Variants in PCDH15 observed in about 807,000 individuals in gnomAD.
The protein encoded by PCDH15 is protocadherin-15.
In PCDH15, 129 loss-of-function variants were observed where a neutral mutation model predicts 178.5. That is an observed-to-expected ratio of 0.72 (90% CI 0.63 to 0.84). The LOEUF is 0.84. PCDH15 is among the 40% of genes least tolerant of loss of function. The probability of loss-of-function intolerance (pLI) is 0.00; values close to 1 mark genes in which losing one functional copy is unlikely to be tolerated. For synonymous variants in PCDH15, 800 were observed against 732.0 expected, an observed-to-expected ratio of 1.09 and a Z score of -1.50; for missense variants, 2,230 against 2,099.9, an observed-to-expected ratio of 1.06 and a Z score of -1.21.
At chr10:55,103,184 G>T (rs1396791988) in intron 2 of PCDH15, among the ~76,000 whole-genome samples, 2 of 139,550 alleles carry the variant, frequency 1.4e-5, no homozygotes, top group African/African-American at 2.7e-5. Flanking sequence ...TCTACCATTT[G>T]TTTCAGCGCC....
At chr10:55,082,310 A>G (rs1169201503) in intron 2 of PCDH15, among the ~76,000 whole-genome samples, 3 of 152,106 alleles carry the variant, frequency 2.0e-5, no homozygotes. Context: ...TTATGTTCCC[A>G]AAGGATCAGT....
chr10:55,319,050 A>AACAC lies in PCDH15; in HGVS notation c.-156+545_-156+548dup, dbSNP rs67901034. 5.3e-4 allele frequency among the ~76,000 whole-genome samples: 80 copies of AACAC among 150,188 alleles called. 1 individual carries two copies. Among genetic ancestry groups the AACAC allele is most frequent in the African/African-American group, 1.7e-3 (69 of 40,864 alleles). On this transcript the variant is annotated intron_variant, in intron 1 of 5. Transcript: ENST00000458638. ...CTTGCAAAAACAAGAAAACAAACAA[A>AACAC]ACACACACACACACACACACACAAA...
At chr10:54,595,143 A>G (rs1461085757) in intron 2 of PCDH15, among the ~76,000 whole-genome samples, 1 of 152,178 alleles carries the variant, frequency 6.6e-6, no homozygotes, top group Non-Finnish European at 1.5e-5. Context: ...TGGTACATGC[A>G]AATGTGGACA....
intron 6 of PCDH15, among the ~76,000 whole-genome samples, chr10:54,342,845 A>G (rs1942508256): frequency 6.6e-6 from 1 of 152,152 alleles, no homozygotes; most frequent in Admixed American, 6.5e-5. Flanking sequence ...AAGCTTTAAG[A>G]TTTAATAACT....
chr10:54,576,892 A>T (rs949949134), intron 2 of PCDH15, among the ~76,000 whole-genome samples: 4 of 152,190 alleles, frequency 2.6e-5, no homozygotes, highest in Admixed American at 6.6e-5. Flanking sequence ...TGTGAAAAAA[A>T]TACATTGGTA....
chr10:55,386,318 T>C (rs1837658192), intron 2 of PCDH15, among the ~76,000 whole-genome samples: 1 of 151,998 alleles, frequency 6.6e-6, no homozygotes, highest in South Asian at 2.1e-4. Flanking sequence ...TTTAAAAAAC[T>C]GAAAACTTTC....
chr10:54,959,389 A>G (rs1015929709), intron 2 of PCDH15, among the ~76,000 whole-genome samples: 12 of 152,102 alleles, frequency 7.9e-5, no homozygotes, highest in Middle Eastern at 3.4e-3. Context: ...AAAAACCACC[A>G]TTTTGCAAAC....
chr10:55,369,118 C>G (rs1845435650), intron 2 of PCDH15, among the ~76,000 whole-genome samples: 1 of 149,852 alleles, frequency 6.7e-6, no homozygotes, highest in Non-Finnish European at 1.5e-5. Context: ...AGTTTCTATT[C>G]ATATTTCTCA....
chr10:55,107,916 T>G, intron 2 of PCDH15, among the ~76,000 whole-genome samples: 1 of 152,172 alleles, frequency 6.6e-6, no homozygotes, highest in Non-Finnish European at 1.5e-5. Flanking sequence ...TATACTTCCC[T>G]GCCAGATTCA....
intron 2 of PCDH15, among the ~76,000 whole-genome samples, chr10:55,368,910 T>A (rs574625357): frequency 6.6e-6 from 1 of 151,698 alleles, no homozygotes; most frequent in African/African-American, 2.4e-5. Flanking sequence ...AAGCAGACAA[T>A]TTTTTTATTC....
intron 1 of PCDH15, among the ~76,000 whole-genome samples, chr10:55,177,201 G>A (rs1037455321): frequency 6.6e-6 from 1 of 152,110 alleles, no homozygotes; most frequent in Non-Finnish European, 1.5e-5. Context: ...GCAACTGAGG[G>A]GATTCATGGG....
chr10:54,148,312 A>C (rs758163900), intron 14 of PCDH15, among the ~76,000 whole-genome samples: 9 of 152,072 alleles, frequency 5.9e-5, no homozygotes, highest in Admixed American at 2.6e-4. Context: ...TCCAGAGCCC[A>C]TAAGGATACT....
At chr10:54,202,198 C>A (rs1291997871) in intron 10 of PCDH15, among the ~76,000 whole-genome samples, 1 of 152,084 alleles carries the variant, frequency 6.6e-6, no homozygotes, top group Non-Finnish European at 1.5e-5. Context: ...CTCTTCCAGT[C>A]CACTCAACAC....
At chr10:54,221,065 C>T (rs780996413) in intron 9 of PCDH15, among the ~76,000 whole-genome samples, 3 of 152,018 alleles carry the variant, frequency 2.0e-5, no homozygotes, top group Non-Finnish European at 2.9e-5. Flanking sequence ...AGGTTGTGGG[C>T]ACCTGTAGTC....
chr10:55,347,536 A>G (rs1844796287), intron 2 of PCDH15, among the ~76,000 whole-genome samples: 1 of 152,150 alleles, frequency 6.6e-6, no homozygotes, highest in Non-Finnish European at 1.5e-5. Context: ...TTTTAGGACA[A>G]AAATTAGTGG....
chr10:54,159,049 C>T (rs933523509), intron 13 of PCDH15, among the ~76,000 whole-genome samples: 1 of 149,276 alleles, frequency 6.7e-6, no homozygotes, highest in African/African-American at 2.5e-5. Context: ...GTGAAGCTTG[C>T]AGTGAGCCGA....
At chr10:54,890,570 G>A (rs1954443184) in intron 3 of PCDH15, among the ~76,000 whole-genome samples, 1 of 151,988 alleles carries the variant, frequency 6.6e-6, no homozygotes, top group Admixed American at 6.6e-5. Flanking sequence ...GGTCCCATGT[G>A]CTGCCCAGCT....
At chr10:54,089,937 T>A (rs2094572175) in intron 16 of PCDH15, 47 bp downstream of exon 16, 4 of 1,402,528 alleles carry the variant, frequency 2.9e-6, no homozygotes, top group African/African-American at 1.4e-5. Context: ...TTACTAACAG[T>A]ACGTTGCTGT....
At chr10:55,411,953 T>C (rs565858625) in intron 2 of PCDH15, among the ~76,000 whole-genome samples, 1 of 152,180 alleles carries the variant, frequency 6.6e-6, no homozygotes, top group Non-Finnish European at 1.5e-5. Flanking sequence ...GATAGGTAGA[T>C]AAACTGTGAA....
Sources: allele counts gnomAD v4.1 joint callset (sites outside exome capture counted in the v4.1 genomes callset), GRCh38; gene constraint gnomAD v4.1.1; transcripts MANE v1.5; gene names NCBI Gene and HGNC (gene_info 2026-07-23, HGNC 2026-07-21).